Variants in HMGCLL1 observed in about 807,000 individuals in gnomAD.
HMGCLL1 encodes 3-hydroxymethyl-3-methylglutaryl-CoA lyase, cytoplasmic.
Under a neutral mutation model 39.1 loss-of-function variants are expected in HMGCLL1, and 36 were observed. The ratio of observed to expected loss-of-function variants is 0.92; its 90% confidence interval spans 0.71 to 1.22. The LOEUF (loss-of-function observed/expected upper bound fraction) is 1.22. Ranked by LOEUF, HMGCLL1 falls within the 50% of genes most tolerant of loss-of-function variation. HMGCLL1 has a pLI of 0.00. For synonymous variants in HMGCLL1, 149 were observed against 144.0 expected (o/e 1.03, Z -0.25); for missense variants, 451 against 416.5 (o/e 1.08, Z -0.72).
intron 7 of HMGCLL1, among the ~76,000 whole-genome samples, chr6:55,485,320 T>TG (rs111879801): frequency 8.2e-4 from 124 of 151,838 alleles, no homozygotes; most frequent in African/African-American, 2.8e-3. Context: ...GTGTGTGTGT[T>TG]GGGGGGGTGT....
chr6:55,646,131 T>C, the HMGCLL1 span, among the ~76,000 whole-genome samples: 2 of 151,938 alleles, frequency 1.3e-5, no homozygotes, highest in Non-Finnish European at 2.9e-5. Context: ...GTAGGTTATA[T>C]GTGTCTAGGA....
At chr6:55,609,893 C>G in the HMGCLL1 span, among the ~76,000 whole-genome samples, 3 of 152,060 alleles carry the variant, frequency 2.0e-5, no homozygotes, top group Non-Finnish European at 4.4e-5. Context: ...AAGAGTGACC[C>G]AGATGAACAG....
chr6:55,544,527 A>G (rs1386966385), intron 1 of HMGCLL1, among the ~76,000 whole-genome samples: 1 of 152,104 alleles, frequency 6.6e-6, no homozygotes, highest in African/African-American at 2.4e-5. Flanking sequence ...TTTTATCAGG[A>G]ATGATGAATT....
At chr6:55,549,373 AGTGTGTGTGT>A (rs70986732) in intron 1 of HMGCLL1, among the ~76,000 whole-genome samples, 1 of 145,528 alleles carries the variant, frequency 6.9e-6, no homozygotes, top group African/African-American at 2.6e-5. Context: ...CAAATACAGA[AGTGTGTGTGT>A]GTGTGTGTGT....
chr6:55,597,310 G>C, the HMGCLL1 span, among the ~76,000 whole-genome samples: 7 of 151,998 alleles, frequency 4.6e-5, no homozygotes, highest in Non-Finnish European at 1.0e-4. Context: ...GCCTCTATGA[G>C]AATTCTCTTT....
intron 1 of HMGCLL1, among the ~76,000 whole-genome samples, chr6:55,546,694 G>A (rs530162040): frequency 6.6e-6 from 1 of 152,174 alleles, no homozygotes; most frequent in Admixed American, 6.6e-5. Context: ...TAAGTTACAA[G>A]GAATTGTGTT....
chr6:55,573,254 A>C (rs1479692793), intron 1 of HMGCLL1, among the ~76,000 whole-genome samples: 1 of 152,194 alleles, frequency 6.6e-6, no homozygotes, highest in South Asian at 2.1e-4. Flanking sequence ...CACCAAAGAG[A>C]AATCCCACCT....
At chr6:55,441,442 A>C (rs1763594367) in intron 7 of HMGCLL1, among the ~76,000 whole-genome samples, 2 of 152,116 alleles carry the variant, frequency 1.3e-5, no homozygotes, top group Admixed American at 1.3e-4. Flanking sequence ...TCTTTGTCAG[A>C]TCTTATTATG....
At chr6:55,652,092 C>T in the HMGCLL1 span, among the ~76,000 whole-genome samples, 2 of 151,996 alleles carry the variant, frequency 1.3e-5, no homozygotes, top group African/African-American at 4.8e-5. Context: ...TAGTCCTTTT[C>T]TATGTGCAGA....
At chr6:55,498,223 G>T (rs1766688306) in intron 6 of HMGCLL1, among the ~76,000 whole-genome samples, 1 of 151,830 alleles carries the variant, frequency 6.6e-6, no homozygotes, top group Admixed American at 6.6e-5. Context: ...CTGAAGTTAT[G>T]CCCTTTGGAG....
intron 4 of HMGCLL1, 151 bp downstream of exon 4, chr6:55,516,357 G>A (rs1767735133): frequency 1.3e-5 from 6 of 452,566 alleles, no homozygotes; most frequent in East Asian, 3.1e-5. Context: ...CAACAATGCT[G>A]TGAGGACTTG....
At chr6:55,656,874 A>G in the HMGCLL1 span, among the ~76,000 whole-genome samples, 19 of 152,056 alleles carry the variant, frequency 1.2e-4, no homozygotes, top group South Asian at 6.2e-4. Context: ...TTAAATTTTT[A>G]TTGCAAAAAT....
intron 1 of HMGCLL1, among the ~76,000 whole-genome samples, chr6:55,571,312 A>G (rs758413254): frequency 6.6e-6 from 1 of 152,204 alleles, no homozygotes; most frequent in Non-Finnish European, 1.5e-5. Context: ...TGTTATTTGA[A>G]GAATCATGGT....
chr6:55,477,308 A>C (rs1408677139), intron 7 of HMGCLL1, among the ~76,000 whole-genome samples: 6 of 14,288 alleles, frequency 4.2e-4, no homozygotes, highest in Non-Finnish European at 5.6e-4. Flanking sequence ...TATATATTAT[A>C]TATATAATAT....
At chr6:55,591,964 A>T in the HMGCLL1 span, among the ~76,000 whole-genome samples, 2 of 152,010 alleles carry the variant, frequency 1.3e-5, no homozygotes, top group South Asian at 4.1e-4. Flanking sequence ...ATGTGGAATC[A>T]TTACTTTTCA....
chr6:55,494,365 G>A (rs1766473728), intron 7 of HMGCLL1, among the ~76,000 whole-genome samples: 1 of 152,078 alleles, frequency 6.6e-6, no homozygotes, highest in African/African-American at 2.4e-5. Context: ...AGTTGCAGCT[G>A]AACACAGGAT....
At chr6:55,628,521 C>G in the HMGCLL1 span, among the ~76,000 whole-genome samples, 6 of 151,862 alleles carry the variant, frequency 4.0e-5, no homozygotes, top group African/African-American at 1.4e-4. Flanking sequence ...CCAGGCTGGT[C>G]TTGAACACCT....
intron 7 of HMGCLL1, among the ~76,000 whole-genome samples, chr6:55,474,159 T>C (rs932700466): frequency 2.6e-5 from 4 of 151,570 alleles, no homozygotes; most frequent in African/African-American, 9.7e-5. Flanking sequence ...GTCATTAATT[T>C]TGGAAAGCTG....
chr6:55,490,539 G>A (rs951632346), intron 7 of HMGCLL1, among the ~76,000 whole-genome samples: 13 of 152,118 alleles, frequency 8.5e-5, no homozygotes, highest in Middle Eastern at 3.4e-3. Context: ...GGCAGGGTGG[G>A]TTTAGACATG....
Sources: gnomAD v4.1 joint callset for allele counts (sites outside exome capture counted in the v4.1 genomes callset) on GRCh38, gnomAD v4.1.1 for gene constraint, MANE v1.5 for transcripts, NCBI Gene and HGNC (gene_info 2026-07-23, HGNC 2026-07-21) for gene names.